Variants in KDM2B observed in about 807,000 individuals in gnomAD.
KDM2B encodes the protein lysine-specific demethylase 2B.
In KDM2B, 26 loss-of-function variants were observed where a neutral mutation model predicts 150.0. The observed-to-expected ratio is 0.17, with a 90% CI of 0.13 to 0.24. KDM2B has a LOEUF of 0.24. Ranked by LOEUF, KDM2B falls within the 10% of genes least tolerant of loss-of-function variation. The pLI is 1.00. For missense variants in KDM2B, 1,265 were observed against 1,816.9 expected (o/e 0.70, Z 5.52); for synonymous variants, 734 against 729.5 (o/e 1.01, Z -0.10).
At chr12:121,413,727 C>T in the KDM2B span, among the ~76,000 whole-genome samples, 1 of 151,950 alleles carries the variant, frequency 6.6e-6, no homozygotes, top group African/African-American at 2.4e-5. Context: ...ACAGGCCCCA[C>T]CAGCATGCCC....
At position 121,468,329 on chromosome 12, in the gene KDM2B, G is replaced by T. The variant is rs1880353443; in HGVS notation, c.1735-14985C>A. The T allele has an allele frequency of 6.6e-6, 1 of 152,172 alleles. No homozygotes were observed. Among genetic ancestry groups the T allele is most frequent in the African/African-American group, 2.4e-5 (1 of 41,416 alleles). The allele number at this position is 152,172 out of a possible 1,614,324, so 9.4% of individuals were successfully genotyped here. On this transcript the variant is annotated intron_variant, in intron 12 of 22. Coordinates refer to ENST00000377071, the MANE Select transcript of KDM2B (RefSeq NM_032590.5). The surrounding 1 kb of genome is among the most constrained non-coding windows in gnomAD (Gnocchi z 4.0). ...AGATCTTCATTCATTCAAAAAAAAA[G>T]TCTATCGGGCACTTAAGCCAGCAGC...
Position 121,513,532 on chromosome 12 carries a change from T to C in KDM2B, c.1048-130A>G. ...ATCATCTTAGCGAGAGCATGGATGG[T>C]CGGGGGAGAAATGGTGGGGTGCTGG... On this transcript the variant is annotated intron_variant, in intron 9 of 22. Coordinates refer to ENST00000377071, the MANE Select transcript of KDM2B (RefSeq NM_032590.5). The surrounding 1 kb of genome is among the most constrained non-coding windows in gnomAD (Gnocchi z 5.0). The C allele has an allele frequency of 9.7e-7, 1 of 1,032,570 alleles. No individual in the cohort carries two copies. Among genetic ancestry groups the C allele is most frequent in the Non-Finnish European group, 1.4e-6 (1 of 702,886 alleles). 64.0% of individuals were successfully genotyped at this position (1,032,570 alleles called of 1,614,324 possible). A position where few individuals can be genotyped will look rare whatever the true frequency, so the allele number is the denominator to read the frequency against.
At chr12:121,457,739 T>TAC (rs138823282) in intron 12 of KDM2B, among the ~76,000 whole-genome samples, 14,508 of 144,996 alleles carry the variant, frequency 0.1, 755 homozygotes, top group African/African-American at 0.13. Flanking sequence ...ATCGGAAACA[T>TAC]ACACACACAC....
rs76795938 is a variant in KDM2B, at chr12:121,549,547, G to A, written c.489C>T (p.Pro163=). ...MSQFVRYYET[P]EAQRDKLYNV... is the part of the protein sequence containing the mutation. ...TGTACAGCTTGTCCCGCTGGGCCTC[G>A]GGCGTCTCGTAGTAACGCACAAACT... is the stretch of plus-strand genomic sequence containing the variant. Residue 163 remains proline, a synonymous_variant, in exon 5 of 23, where the codon CCC becomes CCT. Transcript: ENST00000377071. The surrounding 1 kb of genome is among the most constrained non-coding windows in gnomAD (Gnocchi z 4.4). 1.2e-3 allele frequency: 1,921 copies of A among 1,613,334 alleles called. 25 individuals carry two copies. In the East Asian group the frequency reaches 0.035, roughly 29 times the overall value.
At chr12:121,449,277 G>A (rs150565116) in intron 13 of KDM2B, among the ~76,000 whole-genome samples, 14 of 152,240 alleles carry the variant, frequency 9.2e-5, no homozygotes, top group Admixed American at 7.8e-4. Flanking sequence ...GGGAGGCTAC[G>A]GAGGCAGCCC....
chr12:121,444,729 T>C, intron 14 of KDM2B, 193 bp from the exon 15 acceptor site: 1 of 613,186 alleles, frequency 1.6e-6, no homozygotes, highest in Non-Finnish European at 2.9e-6. Flanking sequence ...CAGGCCAGGG[T>C]TCAGAGGCTG....
chr12:121,421,383 A>AC, the KDM2B span, among the ~76,000 whole-genome samples: 1,138 of 147,610 alleles, frequency 7.7e-3, 15 homozygotes, highest in Middle Eastern at 0.014. Flanking sequence ...AAAAAAAAAA[A>AC]AAAAAAAAAA....
chr12:121,480,899 T>A (rs1444521859), intron 12 of KDM2B, among the ~76,000 whole-genome samples: 1 of 150,922 alleles, frequency 6.6e-6, no homozygotes, highest in Non-Finnish European at 1.5e-5. Context: ...AGAAAAAAAA[T>A]GCTCTTTATA....
chr12:121,559,194 A>G (rs1203554784), intron 4 of KDM2B, among the ~76,000 whole-genome samples: 2 of 152,204 alleles, frequency 1.3e-5, no homozygotes, highest in Non-Finnish European at 2.9e-5. Context: ...CATAGGGGGA[A>G]GCGTATAGGC....
chr12:121,580,874 TGATCCTCTGCA>T lies in KDM2B; in HGVS notation c.27_37del (p.Ala10ProfsTer23). 1 of 1,613,948 alleles carries T rather than the reference TGATCCTCTGCA, an allele frequency of 6.2e-7. No homozygotes were observed. ...TGCTGCATGTCTTTTTCGTGGGGGG[TGATCCTCTGCA>T]GATCCCCCCATTTGCGGACCCGCCA... On this transcript the variant is annotated frameshift_variant, in exon 1 of 23. Transcript: ENST00000377071. LOFTEE classifies it high-confidence loss of function.
At chr12:121,426,712 G>C (rs937318266), downstream of KDM2B, among the ~76,000 whole-genome samples, 1 of 144,640 alleles carries the variant, frequency 6.9e-6, no homozygotes, top group African/African-American at 2.6e-5. Context: ...CGCAACCTCC[G>C]CTTCCCAGGT....
At chr12:121,454,711 C>T (rs1877951997) in intron 12 of KDM2B, among the ~76,000 whole-genome samples, 1 of 152,164 alleles carries the variant, frequency 6.6e-6, no homozygotes, top group African/African-American at 2.4e-5. Flanking sequence ...CATCTAACGC[C>T]TAAAGCCCCT....
intron 12 of KDM2B, among the ~76,000 whole-genome samples, chr12:121,460,984 G>T (rs1158665733): frequency 6.6e-6 from 1 of 152,216 alleles, no homozygotes; most frequent in Non-Finnish European, 1.5e-5. Context: ...TCCGCCCGAT[G>T]TCATACTATC....
At position 121,528,416 on chromosome 12, in the gene KDM2B, G is replaced by A. The variant is rs116324132; in HGVS notation, c.931+4390C>T. ...TCCACTAAAAACACAAAAGTTAGCC[G>A]GGCCCGGTAGCGTACGCTTGTAATC... On this transcript the variant is annotated intron_variant, in intron 8 of 22. Coordinates refer to ENST00000377071, the MANE Select transcript of KDM2B (RefSeq NM_032590.5). Among the ~76,000 whole-genome samples, 1,051 of 152,094 alleles carry A rather than the reference G, an allele frequency of 6.9e-3. 18 individuals carry two copies. The highest frequency in any genetic ancestry group is 0.024 in the African/African-American group (984 of 41,474).
intron 12 of KDM2B, among the ~76,000 whole-genome samples, chr12:121,456,828 C>A (rs1238643413): frequency 1.3e-5 from 2 of 152,190 alleles, no homozygotes; most frequent in African/African-American, 4.8e-5. Context: ...CTGGGAAAAT[C>A]ACAGAGCACA....
At chr12:121,462,882 G>A (rs1235082754) in intron 12 of KDM2B, among the ~76,000 whole-genome samples, 6 of 151,850 alleles carry the variant, frequency 4.0e-5, no homozygotes, top group Admixed American at 2.0e-4. Context: ...GCAGCAGATC[G>A]TTTGAGCCCA....
intron 6 of KDM2B, among the ~76,000 whole-genome samples, chr12:121,543,288 G>A (rs1594091190): frequency 6.6e-6 from 1 of 152,190 alleles, no homozygotes; most frequent in East Asian, 1.9e-4. Context: ...CCCCAGAGGT[G>A]GAGGTTACAG....
the KDM2B span, among the ~76,000 whole-genome samples, chr12:121,421,371 T>TACAAAAAAAAAA: frequency 8.6e-5 from 4 of 46,378 alleles, 1 homozygote; most frequent in African/African-American, 2.7e-4. Context: ...ATCCCATCTC[T>TACAAAAAAAAAA]AAAAAAAAAA....
At chr12:121,479,846 T>A (rs577401732) in intron 12 of KDM2B, among the ~76,000 whole-genome samples, 12 of 152,188 alleles carry the variant, frequency 7.9e-5, no homozygotes, top group African/African-American at 2.9e-4. Context: ...GGTCTTGAAC[T>A]CCTGACCTCA....
Sources: allele counts gnomAD v4.1 joint callset (sites outside exome capture counted in the v4.1 genomes callset), GRCh38; gene constraint gnomAD v4.1.1; non-coding constraint Gnocchi (gnomAD v3.1); transcripts MANE v1.5; gene names NCBI Gene and HGNC (gene_info 2026-07-23, HGNC 2026-07-21).